UST: variants seen among roughly 807,000 people sequenced by gnomAD.
The protein encoded by UST is uronyl 2-sulfotransferase.
A neutral mutation model predicts 45.6 loss-of-function variants in UST; 21 were observed. The observed-to-expected ratio is 0.46, with a 90% confidence interval of 0.33 to 0.66. The LOEUF (loss-of-function observed/expected upper bound fraction) is 0.66. Among genes scored for constraint, UST ranks in the 30% least tolerant of loss-of-function variants. The pLI, the probability that UST is intolerant of heterozygous loss-of-function variation, is 0.02. For synonymous variants in UST, 215 were observed against 200.6 expected (o/e 1.07, Z -0.61); for missense variants, 463 against 512.4 (o/e 0.90, Z 0.93).
chr6:149,071,963 A>G (rs2115047411), intron 7 of UST, among the ~76,000 whole-genome samples: 1 of 152,360 alleles, frequency 6.6e-6, no homozygotes, highest in East Asian at 1.9e-4. Flanking sequence ...TACAGGAGTC[A>G]TTAGGGAAAT....
chr6:148,889,483 C>A (rs528315386), intron 2 of UST, among the ~76,000 whole-genome samples: 1 of 152,232 alleles, frequency 6.6e-6, no homozygotes, highest in African/African-American at 2.4e-5. Context: ...TGGTAGGTGT[C>A]CTCACCAGTG....
chr6:149,043,025 C>CTT lies in UST; in HGVS notation c.937+21546_937+21547dup, dbSNP rs1212013357. On this transcript the variant is annotated intron_variant, in intron 7 of 7. Transcript: ENST00000367463. ...TTTCTTTCTTTCTTTCTTTCTTTTT[C>CTT]TTTCTTTCTTTCTTTCTTTCCTTCT... Among the ~76,000 whole-genome samples, 857 of 101,150 alleles carry CTT rather than the reference C, an allele frequency of 8.5e-3. 3 individuals carry two copies. The highest frequency in any genetic ancestry group is 0.041 in the Middle Eastern group (9 of 218). The allele number at this position is 101,150 out of a possible 152,430, so 66.4% of individuals were successfully genotyped here. A position where few individuals can be genotyped will look rare whatever the true frequency, so the allele number is the denominator to read the frequency against.
intron 7 of UST, among the ~76,000 whole-genome samples, chr6:149,041,789 C>T (rs1774579283): frequency 6.6e-6 from 1 of 152,190 alleles, no homozygotes; most frequent in African/African-American, 2.4e-5. Flanking sequence ...ACACCCTAGA[C>T]CACCCTCTCC....
chr6:149,056,108 TTTTC>T (rs1776558596), intron 7 of UST, among the ~76,000 whole-genome samples: 1 of 130,148 alleles, frequency 7.7e-6, no homozygotes. Flanking sequence ...TCTGCTTTTC[TTTTC>T]TTTTCTTTTT....
chr6:148,818,411 G>A (rs1777395323), intron 1 of UST, among the ~76,000 whole-genome samples: 1 of 152,172 alleles, frequency 6.6e-6, no homozygotes, highest in Non-Finnish European at 1.5e-5. Context: ...AGAGAAGGGG[G>A]TAAAACACAG....
chr6:148,810,861 G>A (rs112916221), intron 1 of UST, among the ~76,000 whole-genome samples: 8 of 152,204 alleles, frequency 5.3e-5, no homozygotes, highest in African/African-American at 1.9e-4. Context: ...CAGATTATCA[G>A]CTAAAATACA....
intron 1 of UST, among the ~76,000 whole-genome samples, chr6:148,859,040 T>C (rs912320811): frequency 8.5e-5 from 13 of 152,230 alleles, no homozygotes; most frequent in African/African-American, 3.1e-4. Context: ...GGTCAAATGG[T>C]ATTTCTAGTT....
chr6:148,938,788 A>G lies in UST; in HGVS notation c.292-2491A>G, dbSNP rs577709500. Among the ~76,000 whole-genome samples, 11 of 151,246 alleles carry G rather than the reference A, an allele frequency of 7.3e-5. No homozygotes were observed. The South Asian group carries it at 1.0e-3, about 14-fold the overall frequency. ...TATAATAAAGTAGATAATAGTATAA[A>G]TAGTATATAATATTATATCAAAATA... is the stretch of plus-strand genomic sequence containing the variant. On this transcript the variant is annotated intron_variant, in intron 2 of 7. Transcript: ENST00000367463.
In UST at chr6:149,074,042, C is replaced by T. The variant is rs778113075; in HGVS notation, c.1147C>T (p.Leu383=). Residue 383 remains leucine (L), a synonymous_variant, in exon 8 of 8, where the codon CTG becomes TTG. Coordinates refer to ENST00000367463, the MANE Select transcript of UST (RefSeq NM_005715.3). ...GCCACACTTCTTTATCCCAACTCCACTGGAAACCGAGGAGCCAATCGACGA... is the reference window on the plus strand; with the variant it reads ...GCCACACTTCTTTATCCCAACTCCATTGGAAACCGAGGAGCCAATCGACGA... ...LRPHFFIPTP[L]ETEEPIDDEE... is the part of the protein sequence containing the mutation. 9 of 1,614,080 alleles carry T rather than the reference C, an allele frequency of 5.6e-6. No homozygotes were observed. The highest frequency in any genetic ancestry group is 1.6e-4 in the Middle Eastern group (1 of 6,084).
At chr6:149,058,305 T>G (rs114785097) in intron 7 of UST, among the ~76,000 whole-genome samples, 5,733 of 151,636 alleles carry the variant, frequency 0.038, 370 homozygotes, top group African/African-American at 0.13. Flanking sequence ...TAATGAAGTG[T>G]GATTTCAGGA....
intron 7 of UST, among the ~76,000 whole-genome samples, chr6:149,029,866 TTGTGTGTGTGTGTGTGTG>T (rs3074362): frequency 8.5e-5 from 12 of 140,800 alleles, no homozygotes; most frequent in South Asian, 4.9e-4. Context: ...GCACTGGATC[TTGTGTGTGTGTGTGTGTG>T]TGTGTGTGTG....
intron 5 of UST, among the ~76,000 whole-genome samples, chr6:149,008,687 G>C: frequency 6.6e-6 from 1 of 152,216 alleles, no homozygotes; most frequent in East Asian, 1.9e-4. Flanking sequence ...GATAAAGCAA[G>C]AGGCTGACAG....
At chr6:149,031,956 T>C (rs1330792090) in intron 7 of UST, among the ~76,000 whole-genome samples, 1 of 152,170 alleles carries the variant, frequency 6.6e-6, no homozygotes, top group Non-Finnish European at 1.5e-5. Context: ...AATAACATGA[T>C]TGGAAGCGTG....
intron 1 of UST, among the ~76,000 whole-genome samples, chr6:148,858,155 C>T (rs1040475183): frequency 1.3e-5 from 2 of 152,112 alleles, no homozygotes; most frequent in Non-Finnish European, 2.9e-5. Context: ...TTGACTCACA[C>T]GATCACAAGG....
intron 1 of UST, among the ~76,000 whole-genome samples, chr6:148,761,013 G>A (rs1303619163): frequency 1.3e-5 from 2 of 152,186 alleles, no homozygotes; most frequent in Non-Finnish European, 1.5e-5. Flanking sequence ...AGCCTGCTTT[G>A]TGCAGTGGTA....
chr6:148,938,541 A>G (rs908873374), intron 2 of UST, among the ~76,000 whole-genome samples: 24 of 152,144 alleles, frequency 1.6e-4, no homozygotes, highest in Admixed American at 2.6e-4. Context: ...ACCTACCATA[A>G]TATATTTATG....
chr6:148,801,849 G>T (rs1028828140), intron 1 of UST, among the ~76,000 whole-genome samples: 1 of 152,082 alleles, frequency 6.6e-6, no homozygotes, highest in African/African-American at 2.4e-5. Flanking sequence ...AAGTTTCCAG[G>T]TTGTCAGGTT....
At chr6:148,972,266 A>G (rs1034420648) in intron 5 of UST, among the ~76,000 whole-genome samples, 2 of 152,224 alleles carry the variant, frequency 1.3e-5, no homozygotes, top group African/African-American at 4.8e-5. Flanking sequence ...GCGGCTTCCC[A>G]GAAAAGGAGA....
intron 5 of UST, among the ~76,000 whole-genome samples, chr6:148,993,848 C>G (rs1310111526): frequency 1.3e-5 from 2 of 152,028 alleles, no homozygotes; most frequent in African/African-American, 4.8e-5. Flanking sequence ...TGAGGCCTCC[C>G]TAGAAGCTGA....
Sources: allele counts gnomAD v4.1 joint callset (sites outside exome capture counted in the v4.1 genomes callset), GRCh38; gene constraint gnomAD v4.1.1; transcripts MANE v1.5; gene names NCBI Gene and HGNC (gene_info 2026-07-23, HGNC 2026-07-21).